TNFSF4: variants seen among roughly 807,000 people sequenced by gnomAD.
TNFSF4 encodes tumor necrosis factor ligand superfamily member 4.
TNFSF4 carries 4 observed loss-of-function variants against 7.3 expected under a neutral mutation model. That is an observed-to-expected ratio of 0.55 (90% CI 0.27 to 1.25). TNFSF4 has a LOEUF of 1.25. Ranked by LOEUF, TNFSF4 falls within the 50% of genes most tolerant of loss-of-function variation. TNFSF4 has a pLI of 0.12. For synonymous variants in TNFSF4, 76 were observed against 83.7 expected, an observed-to-expected ratio of 0.91 and a Z score of 0.50; for missense variants, 181 against 208.8, an observed-to-expected ratio of 0.87 and a Z score of 0.82.
chr1:173,341,537 G>A, the TNFSF4 span, among the ~76,000 whole-genome samples: 1 of 152,210 alleles, frequency 6.6e-6, no homozygotes, highest in East Asian at 1.9e-4. Flanking sequence ...AATTCTGGAT[G>A]TGGAATCAGG....
At chr1:173,351,499 A>G in the TNFSF4 span, among the ~76,000 whole-genome samples, 1 of 152,200 alleles carries the variant, frequency 6.6e-6, no homozygotes, top group Non-Finnish European at 1.5e-5. Flanking sequence ...TGCTTCGGTC[A>G]GAAGTCAAAA....
chr1:173,435,722 T>C, the TNFSF4 span, among the ~76,000 whole-genome samples: 1 of 152,238 alleles, frequency 6.6e-6, no homozygotes, highest in South Asian at 2.1e-4. Flanking sequence ...CTATATTCAA[T>C]AAAAGTTAAT....
chr1:173,197,613 A>T (rs941921851), intron 1 of TNFSF4, among the ~76,000 whole-genome samples: 2 of 152,212 alleles, frequency 1.3e-5, no homozygotes, highest in African/African-American at 4.8e-5. Flanking sequence ...GCATGTTCTC[A>T]CTTATAAGTG....
Position 173,186,885 on chromosome 1 carries a change from A to T in TNFSF4, c.203-20T>A. The T allele has an allele frequency of 1.3e-6, 2 of 1,507,094 alleles. No individual in the cohort carries two copies. Among genetic ancestry groups the T allele is most frequent in the South Asian group, 1.3e-5 (1 of 77,452 alleles). The allele number at this position is 1,507,094 out of a possible 1,614,324, so 93.4% of individuals were successfully genotyped here. A position where few individuals can be genotyped will look rare whatever the true frequency, so the allele number is the denominator to read the frequency against. ...TATATTCTAGGGAGGATAGGGGAAA[A>T]TTTGTTTAATTAATTCCTAAGCATA... On this transcript the variant is annotated intron_variant, in intron 2 of 2. Transcript: ENST00000281834.
the TNFSF4 span, among the ~76,000 whole-genome samples, chr1:173,428,655 A>C: frequency 2.0e-5 from 3 of 152,208 alleles, no homozygotes; most frequent in Non-Finnish European, 4.4e-5. Flanking sequence ...TTTTGTGGTT[A>C]CTTTTTAAAA....
chr1:173,254,411 G>C, the TNFSF4 span, among the ~76,000 whole-genome samples: 1 of 151,924 alleles, frequency 6.6e-6, no homozygotes, highest in Non-Finnish European at 1.5e-5. Flanking sequence ...TTTTTTCTAA[G>C]AGTTAAAGCA....
chr1:173,435,927 A>C, the TNFSF4 span, among the ~76,000 whole-genome samples: 147,705 of 152,320 alleles, frequency 0.97, 71,805 homozygotes, highest in East Asian at 1. Context: ...GTACACATCC[A>C]TAGCTATTTC....
downstream of TNFSF4, among the ~76,000 whole-genome samples, chr1:173,181,461 C>T (rs556922293): frequency 5.8e-4 from 88 of 152,202 alleles, 1 homozygote; most frequent in Non-Finnish European, 1.1e-3. Context: ...TAACATCCCT[C>T]TGTTCCCTCA....
chr1:173,286,945 T>TA, the TNFSF4 span, among the ~76,000 whole-genome samples: 3 of 152,004 alleles, frequency 2.0e-5, no homozygotes, highest in Non-Finnish European at 2.9e-5. Flanking sequence ...AGTCATTTAA[T>TA]AAAAAAAGAC....
the TNFSF4 span, among the ~76,000 whole-genome samples, chr1:173,352,737 C>A: frequency 6.6e-6 from 1 of 152,148 alleles, no homozygotes; most frequent in East Asian, 1.9e-4. Context: ...GAGCAGAGAA[C>A]TGGTCTGACT....
chr1:173,325,461 G>A, the TNFSF4 span, among the ~76,000 whole-genome samples: 1 of 152,000 alleles, frequency 6.6e-6, no homozygotes. Context: ...AAGAACTAGA[G>A]AAGCAAGAGC....
At chr1:173,267,913 A>C in the TNFSF4 span, among the ~76,000 whole-genome samples, 4 of 151,232 alleles carry the variant, frequency 2.6e-5, no homozygotes, top group African/African-American at 9.7e-5. Flanking sequence ...GAGGAAAGAG[A>C]AGGAGAGGAA....
At chr1:173,322,256 G>T in the TNFSF4 span, among the ~76,000 whole-genome samples, 1 of 152,166 alleles carries the variant, frequency 6.6e-6, no homozygotes, top group Non-Finnish European at 1.5e-5. Flanking sequence ...ATAAGTGGGA[G>T]TTGAACAATG....
the TNFSF4 span, among the ~76,000 whole-genome samples, chr1:173,358,565 T>A: frequency 6.6e-6 from 1 of 152,208 alleles, no homozygotes; most frequent in African/African-American, 2.4e-5. Flanking sequence ...GGGTGTACAT[T>A]CAACAAAAAT....
At chr1:173,340,088 C>A in the TNFSF4 span, among the ~76,000 whole-genome samples, 1 of 152,138 alleles carries the variant, frequency 6.6e-6, no homozygotes, top group East Asian at 1.9e-4. Context: ...GATTAAATCT[C>A]CTGCAAGTAA....
chr1:173,389,770 T>C, the TNFSF4 span, among the ~76,000 whole-genome samples: 1 of 152,322 alleles, frequency 6.6e-6, no homozygotes, highest in East Asian at 1.9e-4. Context: ...TTTAGCTGCA[T>C]CTAATCTGCT....
At chr1:173,309,202 G>A in the TNFSF4 span, among the ~76,000 whole-genome samples, 3 of 151,606 alleles carry the variant, frequency 2.0e-5, no homozygotes, top group Admixed American at 2.0e-4. Context: ...TAATCCTCAT[G>A]CCCTTCATTT....
the TNFSF4 span, among the ~76,000 whole-genome samples, chr1:173,224,675 C>G: frequency 6.6e-6 from 1 of 152,224 alleles, no homozygotes; most frequent in East Asian, 1.9e-4. Context: ...TGGTTAGACA[C>G]TGAGTAAGAC....
the TNFSF4 span, among the ~76,000 whole-genome samples, chr1:173,346,166 C>T: frequency 1.4e-4 from 21 of 152,150 alleles, no homozygotes; most frequent in Non-Finnish European, 2.5e-4. Flanking sequence ...CTCATCCCCA[C>T]CCTCAACTCT....
Sources: allele counts gnomAD v4.1 joint callset (sites outside exome capture counted in the v4.1 genomes callset), GRCh38; gene constraint gnomAD v4.1.1; transcripts MANE v1.5; gene names NCBI Gene and HGNC (gene_info 2026-07-23, HGNC 2026-07-21).